The following SGMS1 variants were observed in gnomAD, a reference collection of about 807,000 sequenced individuals.
The protein encoded by SGMS1 is sphingomyelin synthase 1, also known as phosphatidylcholine:ceramide cholinephosphotransferase 1.
SGMS1 carries 13 observed loss-of-function variants against 46.2 expected under a neutral mutation model. The observed-to-expected ratio is 0.28, with a 90% CI of 0.18 to 0.45. SGMS1 has a LOEUF of 0.45. Ranked by LOEUF, SGMS1 falls within the 20% of genes least tolerant of loss-of-function variation. The pLI, the probability that SGMS1 is intolerant of heterozygous loss-of-function variation, is 1.00. For synonymous variants in SGMS1, 203 were observed against 187.8 expected (o/e 1.08, Z -0.66); for missense variants, 324 against 519.9 (o/e 0.62, Z 3.66).
Position 50,408,499 on chromosome 10 carries a change from C to T in SGMS1, c.-232+24977G>A, listed in dbSNP as rs1006119429. 6.0e-5 allele frequency among the ~76,000 whole-genome samples: 9 copies of T among 149,122 alleles called. No homozygotes were observed. In the East Asian group the frequency reaches 1.4e-3, roughly 23 times the overall value. ...TAATTAGCGAGGCTCCTGGCTAACA[C>T]GGTGAAACCCCATCTCTACTAAAAA... On this transcript the variant is annotated intron_variant, in intron 6 of 10. Transcript: ENST00000361781.
At chr10:50,585,971 T>G (rs1838480170) in intron 2 of SGMS1, among the ~76,000 whole-genome samples, 1 of 152,218 alleles carries the variant, frequency 6.6e-6, no homozygotes, top group African/African-American at 2.4e-5. Context: ...CAAACTTTTT[T>G]GTAAAGGGCT....
chr10:50,442,392 C>T lies in SGMS1; in HGVS notation c.-312-8836G>A, dbSNP rs116336958. ...TGTGTTGTTCACCTCTATGTGTCCA[C>T]GTGTTCTCATCATTCAGCTCCCACT... On this transcript the variant is annotated intron_variant, in intron 5 of 10. Transcript: ENST00000361781. 9.6e-3 allele frequency among the ~76,000 whole-genome samples: 1,465 copies of T among 151,960 alleles called. 27 individuals carry two copies. Among genetic ancestry groups the T allele is most frequent in the African/African-American group, 0.034 (1,398 of 41,422 alleles).
intron 6 of SGMS1, among the ~76,000 whole-genome samples, chr10:50,422,199 C>T (rs563331634): frequency 1.3e-5 from 2 of 152,218 alleles, no homozygotes; most frequent in African/African-American, 4.8e-5. Context: ...AGTGGAAATC[C>T]ATCTGAGGTA....
chr10:50,360,121 T>C (rs546966456), intron 6 of SGMS1, among the ~76,000 whole-genome samples: 5 of 152,326 alleles, frequency 3.3e-5, no homozygotes, highest in African/African-American at 1.2e-4. Context: ...AAATATAAAA[T>C]GAGCTTGCAG....
At chr10:50,339,260 C>T (rs1453581572) in intron 7 of SGMS1, among the ~76,000 whole-genome samples, 1 of 152,228 alleles carries the variant, frequency 6.6e-6, no homozygotes, top group Non-Finnish European at 1.5e-5. Flanking sequence ...CATCAGGGTT[C>T]TCTCCCAGCT....
chr10:50,536,338 A>G (rs1199278549), intron 2 of SGMS1, among the ~76,000 whole-genome samples: 1 of 152,120 alleles, frequency 6.6e-6, no homozygotes, highest in Non-Finnish European at 1.5e-5. Context: ...TGAACAAAGA[A>G]ACAAACAAAC....
At chr10:50,389,639 A>G (rs997315063) in intron 6 of SGMS1, among the ~76,000 whole-genome samples, 1 of 152,166 alleles carries the variant, frequency 6.6e-6, no homozygotes, top group Non-Finnish European at 1.5e-5. Flanking sequence ...CACAGCCACT[A>G]AAATAAAGGC....
At chr10:50,615,083 C>G (rs1296290414) in intron 1 of SGMS1, among the ~76,000 whole-genome samples, 1 of 152,228 alleles carries the variant, frequency 6.6e-6, no homozygotes, top group Non-Finnish European at 1.5e-5. Flanking sequence ...TCTCCCCACT[C>G]AATTCCAGAG....
At chr10:50,496,712 G>C (rs146010493) in intron 3 of SGMS1, among the ~76,000 whole-genome samples, 19 of 152,112 alleles carry the variant, frequency 1.2e-4, no homozygotes, top group Non-Finnish European at 2.8e-4. Flanking sequence ...AATAAAAACA[G>C]CTCCTCTCTA....
At chr10:50,334,872 G>C (rs1847690118) in intron 7 of SGMS1, 1 of 152,304 alleles carries the variant, frequency 6.6e-6, no homozygotes, top group Non-Finnish European at 1.5e-5. Flanking sequence ...CTCACTGGGG[G>C]AAGGGAGGTT....
chr10:50,541,407 T>C (rs1238617439), intron 2 of SGMS1, among the ~76,000 whole-genome samples: 1 of 152,208 alleles, frequency 6.6e-6, no homozygotes, highest in Non-Finnish European at 1.5e-5. Flanking sequence ...TTGTATGGTA[T>C]ACCAACATAA....
chr10:50,547,130 A>G (rs1466862614), intron 2 of SGMS1, among the ~76,000 whole-genome samples: 1 of 152,198 alleles, frequency 6.6e-6, no homozygotes, highest in Non-Finnish European at 1.5e-5. Context: ...ACAGATGTCT[A>G]GAGGAGGCAC....
chr10:50,355,919 C>A (rs949164732), intron 6 of SGMS1, among the ~76,000 whole-genome samples: 2 of 151,960 alleles, frequency 1.3e-5, no homozygotes, highest in African/African-American at 4.8e-5. Flanking sequence ...GTCTTTGCCC[C>A]GCCGCCACCC....
At chr10:50,312,692 A>C (rs1016005536) in intron 8 of SGMS1, among the ~76,000 whole-genome samples, 7 of 152,212 alleles carry the variant, frequency 4.6e-5, no homozygotes, top group African/African-American at 1.7e-4. Flanking sequence ...TAAACTAAGG[A>C]TAAATTAAAG....
intron 5 of SGMS1, among the ~76,000 whole-genome samples, chr10:50,449,640 C>CGTGT (rs10581530): frequency 0.056 from 8,449 of 150,122 alleles, 274 homozygotes; most frequent in Non-Finnish European, 0.067. Flanking sequence ...AGTGTGTGCA[C>CGTGT]GTGTGTGTGT....
At chr10:50,558,489 A>G (rs1168963911) in intron 2 of SGMS1, among the ~76,000 whole-genome samples, 1 of 152,142 alleles carries the variant, frequency 6.6e-6, no homozygotes, top group Non-Finnish European at 1.5e-5. Flanking sequence ...CAAACATTAC[A>G]ATGAAAATGG....
chr10:50,390,784 A>G (rs987545032), intron 6 of SGMS1, among the ~76,000 whole-genome samples: 6 of 152,230 alleles, frequency 3.9e-5, no homozygotes, highest in African/African-American at 1.2e-4. Flanking sequence ...ATCTGAGAAC[A>G]ATTTCTTTAC....
chr10:50,455,688 G>A (rs976951421), intron 5 of SGMS1, among the ~76,000 whole-genome samples: 7 of 152,252 alleles, frequency 4.6e-5, no homozygotes, highest in South Asian at 2.1e-4. Context: ...AGAGCCCACC[G>A]AAAATGTTTT....
At chr10:50,396,813 T>C in intron 6 of SGMS1, among the ~76,000 whole-genome samples, 1 of 152,154 alleles carries the variant, frequency 6.6e-6, no homozygotes. Flanking sequence ...CCCCAATTTC[T>C]ATACCCAAAG....
Sources: gnomAD v4.1 joint callset for allele counts (sites outside exome capture counted in the v4.1 genomes callset) on GRCh38, gnomAD v4.1.1 for gene constraint, MANE v1.5 for transcripts, NCBI Gene and HGNC (gene_info 2026-07-23, HGNC 2026-07-21) for gene names.